SON: variants seen among roughly 807,000 people sequenced by gnomAD.
SON encodes the protein SON DNA and RNA binding protein.
Under a neutral mutation model 173.3 loss-of-function variants are expected in SON, and 4 were observed. The observed-to-expected ratio is 0.02, with a 90% CI of 0.01 to 0.05. SON has a LOEUF of 0.05. Among genes scored for constraint, SON ranks in the 10% least tolerant of loss-of-function variants. The pLI is 1.00. For missense variants in SON, 2,626 were observed against 3,055.3 expected (o/e 0.86, Z 3.31); for synonymous variants, 1,190 against 1,105.9 (o/e 1.08, Z -1.51).
At chr21:33,569,117 CGAACAAAAAGTT>C in intron 8 of SON, 30 bp downstream of exon 8, 1 of 1,339,566 alleles carries the variant, frequency 7.5e-7, no homozygotes, top group Non-Finnish European at 1.1e-6. Flanking sequence ...ATGAAAGTGT[CGAACAAAAAGTT>C]TAAATTTTTT....
In SON at chr21:33,543,268, CAGGCCCCGCTA is replaced by C. The variant is rs2085503530; in HGVS notation, c.77+100_77+110del. 10 of 1,184,626 alleles carry C rather than the reference CAGGCCCCGCTA, an allele frequency of 8.4e-6. No individual in the cohort carries two copies. The South Asian group carries it at 8.6e-5, about 10-fold the overall frequency. 73.4% of individuals were successfully genotyped at this position (1,184,626 alleles called of 1,614,324 possible). On this transcript the variant is annotated intron_variant, in intron 1 of 11. Coordinates refer to ENST00000356577, the MANE Select transcript of SON (RefSeq NM_138927.4). ...TCGGAGACGCAGTCGTTCCCCGGCT[CAGGCCCCGCTA>C]GGGCCCCGCCTGGGCCTGGGATCCA...
intron 9 of SON, chr21:33,575,330 C>T (rs991150118): frequency 3.6e-6 from 1 of 280,992 alleles, no homozygotes. Context: ...GCCACTGTGC[C>T]TGGCCATACT....
intron 8 of SON, among the ~76,000 whole-genome samples, chr21:33,571,215 A>G (rs1052032352): frequency 6.6e-6 from 1 of 152,232 alleles, no homozygotes; most frequent in African/African-American, 2.4e-5. Flanking sequence ...TGATGCTAGT[A>G]TCAACTAAAA....
chr21:33,569,649 T>G (rs1247510783), intron 8 of SON: 2 of 455,436 alleles, frequency 4.4e-6, no homozygotes, highest in African/African-American at 4.1e-5. Flanking sequence ...CCAGGACCTT[T>G]TGGTTGTCAG....
intron 8 of SON, among the ~76,000 whole-genome samples, chr21:33,570,470 A>G (rs1221791810): frequency 6.6e-6 from 1 of 152,246 alleles, no homozygotes; most frequent in Non-Finnish European, 1.5e-5. Context: ...ACTGATGTGT[A>G]TAGTGAGTAC....
intron 1 of SON, among the ~76,000 whole-genome samples, chr21:33,543,917 A>T (rs1279492448): frequency 2.0e-5 from 3 of 152,198 alleles, no homozygotes; most frequent in Non-Finnish European, 4.4e-5. Flanking sequence ...TTGCTGGTAG[A>T]CTTTACATAA....
rs773994264 is a variant in SON at position 33,551,464 on chromosome 21, A to G, written c.2233A>G (p.Met745Val). Residue 745 changes from methionine to valine, a missense_variant, in exon 3 of 12, where the codon ATG becomes GTG. Coordinates refer to ENST00000356577, the MANE Select transcript of SON (RefSeq NM_138927.4). Reference protein sequence around the residue: ...MLASNTMDSQMLASNTMDSQM... With the variant: ...MLASNTMDSQVLASNTMDSQM... ...AGCGTCCAACACCATGGACTCCCAGATGCTAGCATCCAACACCATGGACTC... is the reference window on the plus strand; with the variant it reads ...AGCGTCCAACACCATGGACTCCCAGGTGCTAGCATCCAACACCATGGACTC... 4 of 1,614,150 alleles carry G rather than the reference A, an allele frequency of 2.5e-6. No homozygotes were observed. Among genetic ancestry groups the G allele is most frequent in the Middle Eastern group, 1.7e-4 (1 of 6,060 alleles).
chr21:33,560,103 G>C, intron 6 of SON: 1 of 1,613,908 alleles, frequency 6.2e-7, no homozygotes, highest in Non-Finnish European at 8.5e-7. Flanking sequence ...TTTGCTTCAA[G>C]GCTCTATAGC....
rs780074349 is a variant in SON, at chr21:33,550,702, T to C, written c.1471T>C (p.Leu491=). The C allele has an allele frequency of 6.2e-7, 1 of 1,613,380 alleles. No individual in the cohort carries two copies. The change falls in exon 3 of 12, where the codon TTG becomes CTG. Residue 491 remains leucine, a synonymous_variant. Coordinates refer to ENST00000356577, the MANE Select transcript of SON (RefSeq NM_138927.4). ...GCCTTTGGTGACAGCAGCAGTAGAG[T>C]TGCCAGAGCAGCCTGCGGTAACAGT... ...GLPLVTAAVE[L]PEQPAVTVAM...
chr21:33,574,301 A>G (rs967217081), intron 9 of SON, among the ~76,000 whole-genome samples: 1 of 152,212 alleles, frequency 6.6e-6, no homozygotes, highest in African/African-American at 2.4e-5. Flanking sequence ...AGTTGAAGCT[A>G]ACTTCAATAG....
In SON at chr21:33,543,099, A is replaced by G. The variant is rs766329201; in HGVS notation, c.7A>G (p.Thr3Ala). 4 of 1,614,008 alleles carry G rather than the reference A, an allele frequency of 2.5e-6. No individual in the cohort carries two copies. The East Asian group carries it at 6.7e-5, about 27-fold the overall frequency. Residue 3 changes from threonine to alanine, a missense_variant, in exon 1 of 12, where the codon ACC becomes GCC. This residue lies in a region of SON where 757 missense variants were observed against 730.1 expected (regional missense o/e 1.04). Coordinates refer to ENST00000356577, the MANE Select transcript of SON (RefSeq NM_138927.4). MA[T>A]NIEQIFRSFV... ...AGAGAACGGAGCGGACGCCATGGCGACCAACATCGAGCAGATTTTTAGGTC... is the reference window on the plus strand; with the variant it reads ...AGAGAACGGAGCGGACGCCATGGCGGCCAACATCGAGCAGATTTTTAGGTC...
chr21:33,565,762 T>G (rs2086157312), intron 6 of SON, among the ~76,000 whole-genome samples: 1 of 152,218 alleles, frequency 6.6e-6, no homozygotes, highest in Non-Finnish European at 1.5e-5. Context: ...TCTAGAAAGA[T>G]TTATATATTA....
chr21:33,569,147 G>C (rs1257308526), intron 8 of SON, 60 bp downstream of exon 8: 1 of 1,010,084 alleles, frequency 9.9e-7, no homozygotes, highest in African/African-American at 1.6e-5. Flanking sequence ...TTTGGAAACT[G>C]TTTATTAAAA....
At position 33,549,956 on chromosome 21, in the gene SON, T is replaced by G. The variant is rs2085720232; in HGVS notation, c.725T>G (p.Leu242Arg). ...VMPEPSMTKILDSFAAAPVPT... is the reference protein window; with the variant it reads ...VMPEPSMTKIRDSFAAAPVPT... ...CCAGAACCATCCATGACAAAGATTC[T>G]GGATTCCTTTGCAGCAGCACCAGTG... The change falls in exon 3 of 12, where the codon CTG (leucine) becomes CGG (arginine). Residue 242 changes from leucine (L) to arginine (R), a missense_variant. By Grantham distance (102) the Leu-to-Arg change is moderately radical. Transcript: ENST00000356577. 1.2e-6 allele frequency: 2 copies of G among 1,614,050 alleles called. No homozygotes were observed. The highest frequency in any genetic ancestry group is 2.2e-5 in the South Asian group (2 of 91,090).
intron 8 of SON, chr21:33,571,907 T>C (rs901780099): frequency 6.6e-6 from 1 of 152,614 alleles, no homozygotes; most frequent in African/African-American, 2.4e-5. Flanking sequence ...ACCAGGGGTA[T>C]GTTTTTACCT....
chr21:33,571,030 T>C (rs919837255), intron 8 of SON, among the ~76,000 whole-genome samples: 1 of 152,046 alleles, frequency 6.6e-6, no homozygotes, highest in African/African-American at 2.4e-5. Context: ...TTAAAATGTT[T>C]AGTAGCACCT....
At chr21:33,561,291 G>A (rs2086066703) in intron 6 of SON, among the ~76,000 whole-genome samples, 2 of 152,186 alleles carry the variant, frequency 1.3e-5, no homozygotes, top group African/African-American at 4.8e-5. Flanking sequence ...CATATCTCAA[G>A]AGAGAAAGGT....
At chr21:33,557,733 C>G in intron 4 of SON, 1 of 1,414,412 alleles carries the variant, frequency 7.1e-7, no homozygotes, top group Non-Finnish European at 9.2e-7. Context: ...GCCACCGGAG[C>G]TTGGAAATTA....
chr21:33,546,680 C>T, intron 2 of SON: 1 of 196,888 alleles, frequency 5.1e-6, no homozygotes, highest in Non-Finnish European at 1.0e-5. Context: ...ACTTGGGAAG[C>T]TGAGGCAGGA....
Sources: gnomAD v4.1 joint callset for allele counts (sites outside exome capture counted in the v4.1 genomes callset) on GRCh38, gnomAD v4.1.1 for gene constraint, gnomAD v4.1.1 regional missense constraint, MANE v1.5 for transcripts, NCBI Gene and HGNC (gene_info 2026-07-23, HGNC 2026-07-21) for gene names.